BBS9: variants seen among roughly 807,000 people sequenced by gnomAD.
BBS9 encodes protein PTHB1.
A neutral mutation model predicts 117.7 loss-of-function variants in BBS9; 89 were observed. That is an observed-to-expected ratio of 0.76 (90% CI 0.64 to 0.90). The LOEUF is 0.90. Ranked by LOEUF, BBS9 falls within the 40% of genes least tolerant of loss-of-function variation. BBS9 has a pLI of 0.00. For missense variants in BBS9, 982 were observed against 1,042.2 expected (o/e 0.94, Z 0.80); for synonymous variants, 379 against 370.9 (o/e 1.02, Z -0.25).
intron 19 of BBS9, among the ~76,000 whole-genome samples, chr7:33,427,295 A>T (rs564773390): frequency 6.6e-6 from 1 of 152,336 alleles, no homozygotes; most frequent in South Asian, 2.1e-4. Context: ...CAATTACAGT[A>T]AAATCTTAGA....
intron 6 of BBS9, among the ~76,000 whole-genome samples, chr7:33,263,524 A>T (rs1484543935): frequency 6.6e-6 from 1 of 152,290 alleles, no homozygotes; most frequent in East Asian, 1.9e-4. Context: ...ATTGAATAAT[A>T]TTTATAAATT....
chr7:33,132,292 T>C (rs974996482), intron 1 of BBS9, among the ~76,000 whole-genome samples: 5 of 152,214 alleles, frequency 3.3e-5, no homozygotes, highest in African/African-American at 4.8e-5. Context: ...ACGGATTTCT[T>C]AACTTCTCTG....
At chr7:33,197,003 T>A (rs1785057011) in intron 5 of BBS9, among the ~76,000 whole-genome samples, 1 of 152,164 alleles carries the variant, frequency 6.6e-6, no homozygotes, top group Admixed American at 6.5e-5. Context: ...TGAGTTCTGA[T>A]TCCCGTTATA....
At chr7:33,221,817 T>C (rs1185918798) in intron 5 of BBS9, among the ~76,000 whole-genome samples, 1 of 152,182 alleles carries the variant, frequency 6.6e-6, no homozygotes, top group Non-Finnish European at 1.5e-5. Context: ...GTGTTTACAT[T>C]TTTAAAAAGT....
At chr7:33,580,805 A>G (rs778534608) in intron 21 of BBS9, among the ~76,000 whole-genome samples, 2 of 152,184 alleles carry the variant, frequency 1.3e-5, no homozygotes, top group Non-Finnish European at 2.9e-5. Flanking sequence ...ATGCTAAGAC[A>G]GTTTTGGATT....
At chr7:33,319,802 C>T (rs891629733) in intron 9 of BBS9, among the ~76,000 whole-genome samples, 1 of 152,148 alleles carries the variant, frequency 6.6e-6, no homozygotes, top group Non-Finnish European at 1.5e-5. Flanking sequence ...TCTTCACAAT[C>T]CATGTATCTG....
At chr7:33,547,669 A>G (rs73109624) in intron 21 of BBS9, among the ~76,000 whole-genome samples, 14,686 of 152,218 alleles carry the variant, frequency 0.096, 817 homozygotes, top group African/African-American at 0.15. Flanking sequence ...TTGATTTGCA[A>G]TAGCCATTGT....
At chr7:33,544,970 G>T (rs979078596) in intron 21 of BBS9, among the ~76,000 whole-genome samples, 2 of 152,086 alleles carry the variant, frequency 1.3e-5, no homozygotes, top group African/African-American at 4.8e-5. Flanking sequence ...TGTCAGGGAA[G>T]TGGGGGAAAG....
intron 5 of BBS9, among the ~76,000 whole-genome samples, chr7:33,213,835 G>A (rs529162790): frequency 4.6e-5 from 7 of 151,842 alleles, no homozygotes; most frequent in African/African-American, 1.4e-4. Context: ...ATCCTGCAGT[G>A]GCTAAGGTGG....
chr7:33,257,422 T>C lies in BBS9; in HGVS notation c.617+12T>C. On this transcript the variant is annotated intron_variant, in intron 6 of 22. Transcript: ENST00000242067. ...GTGGAAAGTTATAAGTAAGTTTGGA[T>C]GTTAAGTCTTCAGAATCATGATTTT... 1 of 1,612,992 alleles carries C rather than the reference T, an allele frequency of 6.2e-7. No individual in the cohort carries two copies. The highest frequency in any genetic ancestry group is 8.5e-7 in the Non-Finnish European group (1 of 1,179,082).
chr7:33,197,497 A>G (rs1450647459), intron 5 of BBS9, among the ~76,000 whole-genome samples: 1 of 152,090 alleles, frequency 6.6e-6, no homozygotes, highest in African/African-American at 2.4e-5. Context: ...CTCTACATGG[A>G]AACTTGCTTT....
At chr7:33,413,886 T>C (rs1222849829) in intron 19 of BBS9, among the ~76,000 whole-genome samples, 3 of 152,028 alleles carry the variant, frequency 2.0e-5, no homozygotes, top group Non-Finnish European at 4.4e-5. Context: ...TAGCCGGGCA[T>C]GGTGGTGCAT....
intron 20 of BBS9, among the ~76,000 whole-genome samples, chr7:33,515,838 A>C (rs1847675712): frequency 6.6e-6 from 1 of 152,212 alleles, no homozygotes; most frequent in South Asian, 2.1e-4. Context: ...CTTTGTGAGA[A>C]AATATGAAAT....
intron 21 of BBS9, among the ~76,000 whole-genome samples, chr7:33,596,417 C>G (rs999899839): frequency 1.4e-5 from 2 of 146,736 alleles, no homozygotes; most frequent in Non-Finnish European, 3.0e-5. Context: ...AAAAAAATTC[C>G]CACCATCATA....
intron 2 of BBS9, among the ~76,000 whole-genome samples, 193 bp downstream of exon 2, chr7:33,146,557 G>A (rs1426043922): frequency 6.6e-6 from 1 of 152,000 alleles, no homozygotes; most frequent in Non-Finnish European, 1.5e-5. Flanking sequence ...AAATTAGCTG[G>A]GCTTGGTGGT....
At chr7:33,633,005 C>T (rs1284888876) in intron 21 of BBS9, among the ~76,000 whole-genome samples, 1 of 152,116 alleles carries the variant, frequency 6.6e-6, no homozygotes, top group East Asian at 1.9e-4. Flanking sequence ...CTAACCCTTT[C>T]TAAAGCTTGG....
At chr7:33,260,455 C>T (rs990906373) in intron 6 of BBS9, among the ~76,000 whole-genome samples, 1 of 152,156 alleles carries the variant, frequency 6.6e-6, no homozygotes, top group Admixed American at 6.5e-5. Flanking sequence ...GCCTAAAACA[C>T]TGATTTTTGG....
chr7:33,463,167 G>A (rs1839716284), intron 19 of BBS9, among the ~76,000 whole-genome samples: 1 of 152,050 alleles, frequency 6.6e-6, no homozygotes, highest in Admixed American at 6.6e-5. Context: ...ATCACTGCCA[G>A]AGGATTGAGG....
At chr7:33,444,864 T>C (rs574482234) in intron 19 of BBS9, among the ~76,000 whole-genome samples, 1 of 152,346 alleles carries the variant, frequency 6.6e-6, no homozygotes, top group South Asian at 2.1e-4. Context: ...GCCTTATCAA[T>C]ATATGCAGAC....
Sources: allele counts gnomAD v4.1 joint callset (sites outside exome capture counted in the v4.1 genomes callset), GRCh38; gene constraint gnomAD v4.1.1; transcripts MANE v1.5; gene names NCBI Gene and HGNC (gene_info 2026-07-23, HGNC 2026-07-21).